Variants in GLIS3 observed in about 807,000 individuals in gnomAD.
The protein encoded by GLIS3 is GLIS family zinc finger 3, also known as zinc finger protein GLIS3.
GLIS3 carries 53 observed loss-of-function variants against 78.6 expected under a neutral mutation model. That is an observed-to-expected ratio of 0.67 (90% CI 0.54 to 0.85). The LOEUF is 0.85. Among genes scored for constraint, GLIS3 ranks in the 40% least tolerant of loss-of-function variants. The probability of loss-of-function intolerance (pLI) is 0.00; values close to 1 mark genes in which losing one functional copy is unlikely to be tolerated. For synonymous variants in GLIS3, 684 were observed against 509.9 expected (o/e 1.34, Z -4.60); for missense variants, 1,703 against 1,231.1 (o/e 1.38, Z -5.74).
intron 4 of GLIS3, among the ~76,000 whole-genome samples, chr9:4,031,380 G>C (rs1239195497): frequency 6.6e-6 from 1 of 152,194 alleles, no homozygotes; most frequent in Admixed American, 6.5e-5. Context: ...GAAGAAGCCA[G>C]ACACAAAAGG....
the GLIS3 span, among the ~76,000 whole-genome samples, chr9:4,480,200 C>CTTTTTTTTTTT: frequency 1.1e-5 from 1 of 93,882 alleles, no homozygotes; most frequent in African/African-American, 4.6e-5. Context: ...GCTGGGCTTT[C>CTTTTTTTTTTT]TTTTTTTTTT....
intron 4 of GLIS3, among the ~76,000 whole-genome samples, chr9:4,007,191 G>A (rs1195180942): frequency 6.6e-6 from 1 of 152,150 alleles, no homozygotes; most frequent in East Asian, 1.9e-4. Flanking sequence ...CCGTGCTTGA[G>A]CCTGCTTGGT....
intron 4 of GLIS3, among the ~76,000 whole-genome samples, chr9:4,100,135 T>C (rs1830255676): frequency 6.6e-6 from 1 of 152,254 alleles, no homozygotes; most frequent in Non-Finnish European, 1.5e-5. Flanking sequence ...CTTAGTTTTC[T>C]TTCTGTTATA....
At chr9:4,265,855 T>C (rs1481831727) in intron 2 of GLIS3, among the ~76,000 whole-genome samples, 1 of 152,020 alleles carries the variant, frequency 6.6e-6, no homozygotes, top group African/African-American at 2.4e-5. Flanking sequence ...CAACTGAGTG[T>C]CAACCAAAAG....
intron 2 of GLIS3, among the ~76,000 whole-genome samples, chr9:4,209,676 C>T (rs942609838): frequency 3.9e-5 from 6 of 152,186 alleles, no homozygotes; most frequent in South Asian, 4.1e-4. Context: ...TATCATGTTC[C>T]TCTCTGCCAG....
At chr9:4,414,297 C>A in the GLIS3 span, among the ~76,000 whole-genome samples, 1 of 152,154 alleles carries the variant, frequency 6.6e-6, no homozygotes, top group Non-Finnish European at 1.5e-5. Context: ...GAAGACATGG[C>A]AAAACATGTA....
chr9:3,883,814 T>A lies in GLIS3; in HGVS notation c.2129-4219A>T, dbSNP rs117114304. ...ACTGATTAAGCACAGCAGAGGAACA[T>A]ATTGGAAATTCTTATTGCTTTTGTG... is the stretch of plus-strand genomic sequence containing the variant. On this transcript the variant is annotated intron_variant, in intron 7 of 10. Coordinates refer to ENST00000381971, the MANE Select transcript of GLIS3 (RefSeq NM_001042413.2). 1.5e-4 allele frequency among the ~76,000 whole-genome samples: 23 copies of A among 152,316 alleles called. No individual in the cohort carries two copies. The East Asian group carries it at 3.9e-3, about 26-fold the overall frequency.
chr9:4,017,063 G>C (rs891316933), intron 4 of GLIS3, among the ~76,000 whole-genome samples: 1 of 152,206 alleles, frequency 6.6e-6, no homozygotes, highest in Non-Finnish European at 1.5e-5. Flanking sequence ...GAGAAGGGCA[G>C]TTTGGCCTTT....
chr9:4,383,576 C>A, the GLIS3 span, among the ~76,000 whole-genome samples: 1 of 151,640 alleles, frequency 6.6e-6, no homozygotes, highest in South Asian at 2.1e-4. Flanking sequence ...TCAAACCTGG[C>A]TATATTTCAA....
chr9:4,346,110 T>C (rs373650988), intron 2 of GLIS3, among the ~76,000 whole-genome samples: 21 of 152,240 alleles, frequency 1.4e-4, no homozygotes, highest in African/African-American at 4.8e-4. Flanking sequence ...TTGACATCCA[T>C]TGAAAGAAAG....
At chr9:4,098,582 C>A (rs1830135791) in intron 4 of GLIS3, among the ~76,000 whole-genome samples, 1 of 152,146 alleles carries the variant, frequency 6.6e-6, no homozygotes, top group African/African-American at 2.4e-5. Context: ...TTTCTTTCTC[C>A]CAACTATGTA....
chr9:4,170,932 T>A (rs915253089), intron 2 of GLIS3, among the ~76,000 whole-genome samples: 1 of 152,234 alleles, frequency 6.6e-6, no homozygotes. Context: ...TCATTTCATT[T>A]CAATTAACAA....
intron 6 of GLIS3, among the ~76,000 whole-genome samples, chr9:3,929,615 G>C (rs1316192373): frequency 3.3e-5 from 5 of 152,120 alleles, no homozygotes; most frequent in Non-Finnish European, 7.3e-5. Context: ...GGTTACAAAG[G>C]GGATTAGAGG....
At chr9:4,325,047 C>A (rs1296512564) in intron 2 of GLIS3, among the ~76,000 whole-genome samples, 1 of 152,154 alleles carries the variant, frequency 6.6e-6, no homozygotes, top group Non-Finnish European at 1.5e-5. Flanking sequence ...ATTGCTGAGA[C>A]CACAGAATCA....
At chr9:4,141,543 T>C (rs760661037) in intron 2 of GLIS3, among the ~76,000 whole-genome samples, 21 of 152,186 alleles carry the variant, frequency 1.4e-4, no homozygotes, top group Non-Finnish European at 2.8e-4. Flanking sequence ...GTCACCTTGG[T>C]AGTGTATCAG....
At chr9:4,056,389 G>C (rs1011065375) in intron 4 of GLIS3, among the ~76,000 whole-genome samples, 2 of 152,212 alleles carry the variant, frequency 1.3e-5, no homozygotes, top group African/African-American at 2.4e-5. Context: ...AACAGTGGCT[G>C]AGATGGGCAC....
At chr9:4,430,380 A>G in the GLIS3 span, among the ~76,000 whole-genome samples, 2 of 152,210 alleles carry the variant, frequency 1.3e-5, no homozygotes, top group Non-Finnish European at 2.9e-5. Context: ...TGCAGGAGGA[A>G]TGTGATACCA....
At chr9:4,427,233 T>C in the GLIS3 span, among the ~76,000 whole-genome samples, 2 of 152,194 alleles carry the variant, frequency 1.3e-5, no homozygotes, top group Non-Finnish European at 2.9e-5. Flanking sequence ...CTGATTGCAA[T>C]TCTGTGTCCC....
At chr9:3,919,959 G>GGAGA (rs1824764891) in intron 6 of GLIS3, among the ~76,000 whole-genome samples, 1 of 150,086 alleles carries the variant, frequency 6.7e-6, no homozygotes, top group Admixed American at 6.6e-5. Context: ...TCATAACTAA[G>GGAGA]GAGAATAAAA....
Sources: gnomAD v4.1 joint callset for allele counts (sites outside exome capture counted in the v4.1 genomes callset) on GRCh38, gnomAD v4.1.1 for gene constraint, MANE v1.5 for transcripts, NCBI Gene and HGNC (gene_info 2026-07-23, HGNC 2026-07-21) for gene names.